The following KCNB2 variants were observed in gnomAD, a reference collection of about 807,000 sequenced individuals.
KCNB2 encodes the protein potassium voltage-gated channel subfamily B member 2, also known as delayed rectifier potassium channel protein.
KCNB2 carries 15 observed loss-of-function variants against 61.5 expected under a neutral mutation model. That is an observed-to-expected ratio of 0.24 (90% CI 0.16 to 0.38). KCNB2 has a LOEUF of 0.38. Among genes scored for constraint, KCNB2 ranks in the 10% least tolerant of loss-of-function variants. The pLI is 1.00. For synonymous variants in KCNB2, 457 were observed against 446.0 expected, an observed-to-expected ratio of 1.02 and a Z score of -0.31; for missense variants, 828 against 1,125.2, an observed-to-expected ratio of 0.74 and a Z score of 3.78.
At chr8:72,920,834 A>G (rs75893943) in intron 2 of KCNB2, among the ~76,000 whole-genome samples, 32,062 of 151,838 alleles carry the variant, frequency 0.21, 3,678 homozygotes, top group Admixed American at 0.29. Context: ...TCAAAACCCA[A>G]ATAACAACAG....
intron 2 of KCNB2, among the ~76,000 whole-genome samples, chr8:72,687,234 A>G (rs1806867380): frequency 6.6e-6 from 1 of 152,212 alleles, no homozygotes; most frequent in African/African-American, 2.4e-5. Flanking sequence ...GTTAATCAAT[A>G]CAGTGTTTTT....
At chr8:72,813,772 G>T (rs1255685279) in intron 2 of KCNB2, among the ~76,000 whole-genome samples, 1 of 152,016 alleles carries the variant, frequency 6.6e-6, no homozygotes, top group African/African-American at 2.4e-5. Context: ...ACCCCCAAGG[G>T]GTATTCTCCT....
At chr8:72,711,430 C>G (rs796153753) in intron 2 of KCNB2, among the ~76,000 whole-genome samples, 3 of 152,306 alleles carry the variant, frequency 2.0e-5, no homozygotes, top group African/African-American at 7.2e-5. Context: ...TGCATTCACA[C>G]TGAAGAGTCT....
intron 2 of KCNB2, among the ~76,000 whole-genome samples, chr8:72,761,101 C>T (rs537191738): frequency 6.6e-6 from 1 of 152,264 alleles, no homozygotes. Flanking sequence ...GGTAAGCTTC[C>T]AATTGTCCTT....
At chr8:72,797,167 C>T (rs572521124) in intron 2 of KCNB2, among the ~76,000 whole-genome samples, 1 of 152,254 alleles carries the variant, frequency 6.6e-6, no homozygotes. Flanking sequence ...CTGGGGATGA[C>T]ATTTGTAATC....
At chr8:72,841,938 T>G (rs927597738) in intron 2 of KCNB2, among the ~76,000 whole-genome samples, 1 of 152,204 alleles carries the variant, frequency 6.6e-6, no homozygotes, top group Non-Finnish European at 1.5e-5. Context: ...ACTTGCCTGA[T>G]TGCCCTGGCC....
rs186679959 is a variant in KCNB2 at position 72,605,775 on chromosome 8, G to T, written c.579+37462G>T. 3.2e-3 allele frequency among the ~76,000 whole-genome samples: 482 copies of T among 152,150 alleles called. 2 individuals are homozygous for T. Among genetic ancestry groups the T allele is most frequent in the African/African-American group, 0.011 (470 of 41,498 alleles). Reference sequence around the variant, plus strand: ...TGGTTCAATAAATATTCTAATGGTGGCAGGTGAGCATAAATATAGAGAAGA... The same window carrying T: ...TGGTTCAATAAATATTCTAATGGTGTCAGGTGAGCATAAATATAGAGAAGA... On this transcript the variant is annotated intron_variant, in intron 2 of 2. Coordinates refer to ENST00000523207, the MANE Select transcript of KCNB2 (RefSeq NM_004770.3).
At chr8:72,698,645 G>A (rs1322430626) in intron 2 of KCNB2, among the ~76,000 whole-genome samples, 2 of 152,094 alleles carry the variant, frequency 1.3e-5, no homozygotes, top group Non-Finnish European at 2.9e-5. Context: ...AAAACAGCAT[G>A]GTACTGGTTC....
chr8:72,590,390 T>C (rs896465145), intron 2 of KCNB2, among the ~76,000 whole-genome samples: 4 of 152,092 alleles, frequency 2.6e-5, no homozygotes, highest in African/African-American at 9.7e-5. Context: ...TGAAAGAACA[T>C]TGGAATCAAA....
chr8:72,725,221 C>A (rs2013384), intron 2 of KCNB2, among the ~76,000 whole-genome samples: 101,532 of 151,770 alleles, frequency 0.67, 34,657 homozygotes, highest in African/African-American at 0.79. Context: ...GTACCTCAAA[C>A]AGGGTATTTG....
intron 2 of KCNB2, among the ~76,000 whole-genome samples, chr8:72,672,317 ATACT>A (rs892327662): frequency 1.3e-5 from 2 of 152,204 alleles, no homozygotes; most frequent in African/African-American, 4.8e-5. Flanking sequence ...AAAAGAGATA[ATACT>A]TAACTAACTC....
chr8:72,857,496 A>G (rs950007434), intron 2 of KCNB2, among the ~76,000 whole-genome samples: 3 of 152,120 alleles, frequency 2.0e-5, no homozygotes, highest in Admixed American at 1.3e-4. Flanking sequence ...AGGCTGGAGA[A>G]GTAGGTTGGA....
chr8:72,892,652 TG>T (rs1297522219), intron 2 of KCNB2, among the ~76,000 whole-genome samples: 1 of 152,198 alleles, frequency 6.6e-6, no homozygotes, highest in Non-Finnish European at 1.5e-5. Context: ...CCCTGCAAAC[TG>T]GCACGACCAG....
chr8:72,551,132 C>CCCA (rs1806339095), intron 1 of KCNB2, among the ~76,000 whole-genome samples: 1 of 152,116 alleles, frequency 6.6e-6, no homozygotes, highest in African/African-American at 2.4e-5. Context: ...AAGCACCAAC[C>CCCA]CCACCTTCAT....
At chr8:72,676,133 A>G (rs755328969) in intron 2 of KCNB2, among the ~76,000 whole-genome samples, 2 of 152,180 alleles carry the variant, frequency 1.3e-5, no homozygotes, top group Non-Finnish European at 1.5e-5. Flanking sequence ...TCACATATGC[A>G]TGGAACTTCA....
chr8:72,784,252 A>G (rs567006040), intron 2 of KCNB2, among the ~76,000 whole-genome samples: 11 of 151,930 alleles, frequency 7.2e-5, no homozygotes, highest in African/African-American at 1.9e-4. Context: ...CAGCTCCCCA[A>G]CCACCACCCA....
At chr8:72,594,936 A>T (rs385129) in intron 2 of KCNB2, among the ~76,000 whole-genome samples, 120,832 of 152,124 alleles carry the variant, frequency 0.79, 48,155 homozygotes, top group East Asian at 0.96. Context: ...AAAAAACACC[A>T]AGCCAACAGA....
intron 2 of KCNB2, among the ~76,000 whole-genome samples, chr8:72,819,179 A>G (rs893573229): frequency 6.6e-6 from 1 of 152,206 alleles, no homozygotes; most frequent in Non-Finnish European, 1.5e-5. Context: ...CTGCTTTTTT[A>G]TCAATGACTT....
intron 2 of KCNB2, among the ~76,000 whole-genome samples, chr8:72,667,280 C>G (rs1356819978): frequency 1.3e-5 from 2 of 151,982 alleles, no homozygotes; most frequent in African/African-American, 4.8e-5. Flanking sequence ...GGGATTGGTG[C>G]TGATTCCTCT....
Sources: allele counts gnomAD v4.1 joint callset (sites outside exome capture counted in the v4.1 genomes callset), GRCh38; gene constraint gnomAD v4.1.1; transcripts MANE v1.5; gene names NCBI Gene and HGNC (gene_info 2026-07-23, HGNC 2026-07-21).